AAK1: variants seen among roughly 807,000 people sequenced by gnomAD.
AAK1 encodes the protein AP2-associated protein kinase 1.
In AAK1, 37 loss-of-function variants were observed where a neutral mutation model predicts 116.0. That is an observed-to-expected ratio of 0.32 (90% CI 0.25 to 0.42). The LOEUF is 0.42. Among genes scored for constraint, AAK1 ranks in the 10% least tolerant of loss-of-function variants. The pLI, the probability that AAK1 is intolerant of heterozygous loss-of-function variation, is 1.00. For missense variants in AAK1, 919 were observed against 1,170.6 expected, an observed-to-expected ratio of 0.79 and a Z score of 3.14; for synonymous variants, 458 against 439.9, an observed-to-expected ratio of 1.04 and a Z score of -0.51.
rs924367575 is a variant in AAK1, at chr2:69,473,219, C to G, written c.*2650G>C. 2 of 893,920 alleles carry G rather than the reference C, an allele frequency of 2.2e-6. No homozygotes were observed. Among genetic ancestry groups the G allele is most frequent in the Non-Finnish European group, 2.7e-6 (2 of 746,662 alleles). The allele number at this position is 893,920 out of a possible 1,614,324, so 55.4% of individuals were successfully genotyped here. ...CAGGTGGCCTGTCCTGCCCAGGCCT[C>G]TTCTCCCCCGACCCTGTTCAATCCA... On this transcript the variant is annotated 3_prime_UTR_variant, in exon 22 of 22. Transcript: ENST00000409085.
Position 69,519,386 on chromosome 2 carries a change from C to T in AAK1, c.1211-146G>A, listed in dbSNP as rs756085439. 6.0e-6 allele frequency: 7 copies of T among 1,167,144 alleles called. No individual in the cohort carries two copies. The East Asian group carries it at 1.1e-4, about 19-fold the overall frequency. 72.3% of individuals were successfully genotyped at this position (1,167,144 alleles called of 1,614,324 possible). ...CCTCCTCACTGTCTTTCCACATGCTCTGTCCCACCTGGAATGTCTTTCTAT... is the reference window on the plus strand; with the variant it reads ...CCTCCTCACTGTCTTTCCACATGCTTTGTCCCACCTGGAATGTCTTTCTAT... On this transcript the variant is annotated intron_variant, in intron 11 of 21. Transcript: ENST00000409085.
At chr2:69,515,459 G>T (rs1447681015) in intron 12 of AAK1, among the ~76,000 whole-genome samples, 2 of 151,844 alleles carry the variant, frequency 1.3e-5, no homozygotes, top group African/African-American at 4.8e-5. Context: ...CTAAGTACCT[G>T]GTATCACAGG....
rs556045488 is a variant in AAK1 at position 69,474,537 on chromosome 2, A to AT, written c.*1331dup. The AT allele has an allele frequency of 5.3e-4, 515 of 977,432 alleles. No homozygotes were observed. Among genetic ancestry groups the AT allele is most frequent in the Non-Finnish European group, 5.9e-4 (484 of 823,250 alleles). The allele number at this position is 977,432 out of a possible 1,614,324, so 60.5% of individuals were successfully genotyped here. On this transcript the variant is annotated 3_prime_UTR_variant, in exon 22 of 22. Coordinates refer to ENST00000409085, the MANE Select transcript of AAK1 (RefSeq NM_014911.5). Reference sequence around the variant, plus strand: ...AGTTAATAAAGAACTATGCTTTATTATTTTTTTTTAATCTAGGAAGCCAAG... The same window carrying AT: ...AGTTAATAAAGAACTATGCTTTATTATTTTTTTTTTAATCTAGGAAGCCAAG...
intron 15 of AAK1, 121 bp from the exon 16 acceptor site, chr2:69,505,794 T>C: frequency 4.9e-6 from 3 of 613,192 alleles, no homozygotes; most frequent in Non-Finnish European, 8.5e-6. Flanking sequence ...TACTGCATTA[T>C]GGCGACACAT....
chr2:69,629,465 T>C (rs1675064759), intron 2 of AAK1, among the ~76,000 whole-genome samples: 1 of 152,230 alleles, frequency 6.6e-6, no homozygotes, highest in South Asian at 2.1e-4. Context: ...AATAATTTAA[T>C]CCAATCAATA....
At chr2:69,488,149 C>CGTGTGT (rs58575925) in intron 17 of AAK1, among the ~76,000 whole-genome samples, 37,803 of 144,454 alleles carry the variant, frequency 0.26, 5,635 homozygotes, top group East Asian at 0.47. Flanking sequence ...TGTGTGTGGA[C>CGTGTGT]GTGTGTGTGT....
chr2:69,548,724 C>A (rs1192557460), intron 3 of AAK1, among the ~76,000 whole-genome samples: 1 of 152,084 alleles, frequency 6.6e-6, no homozygotes, highest in Non-Finnish European at 1.5e-5. Context: ...CCTGCCTCAG[C>A]CTCCCAAGTA....
intron 13 of AAK1, among the ~76,000 whole-genome samples, chr2:69,510,456 G>A (rs905430360): frequency 1.3e-5 from 2 of 152,104 alleles, no homozygotes; most frequent in African/African-American, 4.8e-5. Context: ...CCATTGATGG[G>A]CATTTAGGTT....
intron 2 of AAK1, among the ~76,000 whole-genome samples, chr2:69,576,645 T>C (rs929530229): frequency 2.0e-5 from 3 of 152,154 alleles, no homozygotes; most frequent in African/African-American, 7.2e-5. Flanking sequence ...TCAATGGAGG[T>C]ATAAACACAT....
intron 2 of AAK1, among the ~76,000 whole-genome samples, chr2:69,629,017 A>C (rs750016958): frequency 1.3e-5 from 2 of 152,224 alleles, no homozygotes; most frequent in Non-Finnish European, 2.9e-5. Context: ...TTTAAAAACC[A>C]TATCTTCTTT....
intron 3 of AAK1, among the ~76,000 whole-genome samples, chr2:69,556,195 C>T (rs1374125821): frequency 6.6e-6 from 1 of 152,138 alleles, no homozygotes; most frequent in African/African-American, 2.4e-5. Flanking sequence ...TCTAAAACAA[C>T]ACACAGAACA....
rs558239769 is a variant in AAK1 at position 69,557,054 on chromosome 2, T to C, written c.164-76A>G. The C allele has an allele frequency of 6.4e-6, 7 of 1,094,796 alleles. No individual in the cohort carries two copies. The African/African-American group carries it at 7.7e-5, about 12-fold the overall frequency. The allele number at this position is 1,094,796 out of a possible 1,614,324, so 67.8% of individuals were successfully genotyped here. ...GCCACATAACTGTGGTGGCTGGAGG[T>C]TGCCACTGTCACTGCTAATGGTACT... On this transcript the variant is annotated intron_variant, in intron 2 of 21. Coordinates refer to ENST00000409085, the MANE Select transcript of AAK1 (RefSeq NM_014911.5).
chr2:69,548,838 C>T lies in AAK1; in HGVS notation c.283-4294G>A, dbSNP rs139094460. ...CAGGATGGTCTCGATCTCTTGACCT[C>T]GTGATCCACCTGCCTTGGCCTCCCA... On this transcript the variant is annotated intron_variant, in intron 3 of 21. Transcript: ENST00000409085. 7.9e-3 allele frequency among the ~76,000 whole-genome samples: 1,201 copies of T among 152,086 alleles called. 20 individuals are homozygous for T. The highest frequency in any genetic ancestry group is 0.028 in the African/African-American group (1,148 of 41,506).
chr2:69,502,032 G>T (rs1675998254), intron 16 of AAK1, among the ~76,000 whole-genome samples: 1 of 151,910 alleles, frequency 6.6e-6, no homozygotes, highest in Admixed American at 6.6e-5. Context: ...GAATAAAAAA[G>T]AAAACAGAAG....
chr2:69,572,620 T>TAA lies in AAK1; in HGVS notation c.164-15644_164-15643dup, dbSNP rs768419313. Among the ~76,000 whole-genome samples the TAA allele has an allele frequency of 3.1e-3, 330 of 106,830 alleles. 1 individual carries two copies. The highest frequency in any genetic ancestry group is 0.012 in the East Asian group (43 of 3,586). The allele number at this position is 106,830 out of a possible 152,430, so 70.1% of individuals were successfully genotyped here. Reference sequence around the variant, plus strand: ...GGCAACAAAAACGAAACTCTGTCTTTAAAAAAAAAAAAAAAAAAAAAAAGC... The same window carrying TAA: ...GGCAACAAAAACGAAACTCTGTCTTTAAAAAAAAAAAAAAAAAAAAAAAAAGC... On this transcript the variant is annotated intron_variant, in intron 2 of 21. Transcript: ENST00000409085.
chr2:69,505,723 C>T, intron 15 of AAK1, 50 bp from the exon 16 acceptor site: 1 of 1,456,562 alleles, frequency 6.9e-7, no homozygotes, highest in Non-Finnish European at 9.6e-7. Flanking sequence ...TCTTGCGAGG[C>T]ACACACACAT....
rs563642810 is a variant in AAK1 at position 69,493,276 on chromosome 2, A to G, written c.2365+2709T>C. On this transcript the variant is annotated intron_variant, in intron 17 of 21. Coordinates refer to ENST00000409085, the MANE Select transcript of AAK1 (RefSeq NM_014911.5). Reference sequence around the variant, plus strand: ...GTCAAAGCCACCGTGGTAATATAACATACTTAGCACAATTCTGCAGGACAC... The same window carrying G: ...GTCAAAGCCACCGTGGTAATATAACGTACTTAGCACAATTCTGCAGGACAC... 2.6e-5 allele frequency among the ~76,000 whole-genome samples: 4 copies of G among 152,028 alleles called. No homozygotes were observed. The South Asian group carries it at 8.3e-4, about 32-fold the overall frequency.
chr2:69,525,268 A>G (rs1669975361), intron 9 of AAK1, among the ~76,000 whole-genome samples, 156 bp from the exon 10 acceptor site: 1 of 152,216 alleles, frequency 6.6e-6, no homozygotes, highest in Non-Finnish European at 1.5e-5. Context: ...TGGTAGAGGG[A>G]AGGAAAGTTA....
intron 16 of AAK1, among the ~76,000 whole-genome samples, chr2:69,501,155 A>G (rs1675966190): frequency 6.6e-6 from 1 of 152,182 alleles, no homozygotes; most frequent in Middle Eastern, 3.2e-3. Context: ...TACACATTTG[A>G]TATGTTTGGT....
Sources: gnomAD v4.1 joint callset for allele counts (sites outside exome capture counted in the v4.1 genomes callset) on GRCh38, gnomAD v4.1.1 for gene constraint, MANE v1.5 for transcripts, NCBI Gene and HGNC (gene_info 2026-07-23, HGNC 2026-07-21) for gene names.